The following CDH20 variants were observed in gnomAD, a reference collection of about 807,000 sequenced individuals.
The protein encoded by CDH20 is cadherin 20.
A neutral mutation model predicts 74.2 loss-of-function variants in CDH20; 29 were observed. That is an observed-to-expected ratio of 0.39 (90% CI 0.29 to 0.53). CDH20 has a LOEUF of 0.53. Ranked by LOEUF, CDH20 falls within the 20% of genes least tolerant of loss-of-function variation. The pLI is 0.69. For synonymous variants in CDH20, 469 were observed against 405.4 expected, an observed-to-expected ratio of 1.16 and a Z score of -1.88; for missense variants, 988 against 1,048.3, an observed-to-expected ratio of 0.94 and a Z score of 0.79.
intron 6 of CDH20, among the ~76,000 whole-genome samples, chr18:61,526,822 C>A (rs1023237246): frequency 1.3e-5 from 2 of 152,228 alleles, no homozygotes; most frequent in Non-Finnish European, 2.9e-5. Context: ...CGTCAGCATA[C>A]TCCAGGCTTC....
intron 6 of CDH20, among the ~76,000 whole-genome samples, chr18:61,526,023 C>G (rs1322792294): frequency 4.0e-5 from 5 of 124,132 alleles, no homozygotes. Context: ...GTTGTCTTGG[C>G]TGGTCTTGAA....
chr18:61,445,943 G>A (rs1909185357), intron 1 of CDH20, among the ~76,000 whole-genome samples: 1 of 151,912 alleles, frequency 6.6e-6, no homozygotes, highest in African/African-American at 2.4e-5. Context: ...CTAGGCTGAG[G>A]GTCCCAGGCT....
intron 2 of CDH20, among the ~76,000 whole-genome samples, chr18:61,493,186 C>T (rs939843459): frequency 3.3e-5 from 5 of 152,136 alleles, no homozygotes; most frequent in African/African-American, 1.2e-4. Flanking sequence ...CTCCTTTTAC[C>T]TTCACGTGCA....
At chr18:61,363,227 A>T (rs1374534662) in intron 1 of CDH20, among the ~76,000 whole-genome samples, 1 of 152,198 alleles carries the variant, frequency 6.6e-6, no homozygotes, top group Non-Finnish European at 1.5e-5. Context: ...CTCAGGAGCC[A>T]CTTGGGATTC....
intron 2 of CDH20, 151 bp from the exon 3 acceptor site, chr18:61,499,035 G>T: frequency 1.7e-6 from 1 of 589,592 alleles, no homozygotes. Flanking sequence ...CGTGTCCAAT[G>T]CATACTAGTT....
At chr18:61,481,502 C>A (rs1478237674) in intron 1 of CDH20, among the ~76,000 whole-genome samples, 1 of 152,076 alleles carries the variant, frequency 6.6e-6, no homozygotes, top group Non-Finnish European at 1.5e-5. Context: ...GATTTCTTTT[C>A]CTGAAAGCAT....
intron 1 of CDH20, among the ~76,000 whole-genome samples, chr18:61,481,125 T>C (rs1910574747): frequency 6.6e-6 from 1 of 152,198 alleles, no homozygotes; most frequent in African/African-American, 2.4e-5. Context: ...GTACTGCCCA[T>C]AGATACATGG....
chr18:61,389,112 G>A (rs1412835817), intron 1 of CDH20, among the ~76,000 whole-genome samples: 4 of 152,096 alleles, frequency 2.6e-5, no homozygotes, highest in Admixed American at 6.6e-5. Flanking sequence ...AGGATGGGTG[G>A]GGCTCCCCCT....
At chr18:61,383,314 C>T (rs1331600685) in intron 1 of CDH20, among the ~76,000 whole-genome samples, 4 of 152,158 alleles carry the variant, frequency 2.6e-5, no homozygotes, top group African/African-American at 9.7e-5. Context: ...GGCGTGGTGG[C>T]TCATGCCTGT....
chr18:61,365,698 T>C (rs1215887473), intron 1 of CDH20, among the ~76,000 whole-genome samples: 1 of 152,040 alleles, frequency 6.6e-6, no homozygotes, highest in African/African-American at 2.4e-5. Flanking sequence ...TAAAAACTCC[T>C]GTAGTTCTAG....
chr18:61,487,806 G>A (rs946535960), intron 1 of CDH20, among the ~76,000 whole-genome samples: 3 of 152,056 alleles, frequency 2.0e-5, no homozygotes, highest in Non-Finnish European at 4.4e-5. Context: ...GGGGATAGGG[G>A]GTTTTAATTG....
At chr18:61,407,251 T>A (rs1441144632) in intron 1 of CDH20, among the ~76,000 whole-genome samples, 1 of 152,208 alleles carries the variant, frequency 6.6e-6, no homozygotes, top group South Asian at 2.1e-4. Flanking sequence ...CTATCTTCCT[T>A]GATTCCATTT....
At chr18:61,347,805 A>T (rs116454594) in intron 1 of CDH20, among the ~76,000 whole-genome samples, 1 of 152,180 alleles carries the variant, frequency 6.6e-6, no homozygotes, top group African/African-American at 2.4e-5. Flanking sequence ...GGGAAATGCC[A>T]TATGTAAGTT....
intron 1 of CDH20, among the ~76,000 whole-genome samples, chr18:61,423,996 G>C (rs769816898): frequency 6.6e-6 from 1 of 151,550 alleles, no homozygotes; most frequent in Admixed American, 6.6e-5. Flanking sequence ...CGCTTCCTAC[G>C]CTCATCAAAA....
chr18:61,344,051 T>A (rs534094701), intron 1 of CDH20, among the ~76,000 whole-genome samples: 4 of 152,162 alleles, frequency 2.6e-5, no homozygotes, highest in African/African-American at 9.7e-5. Flanking sequence ...CTGTGGTGCA[T>A]GTGAACTCTT....
chr18:61,509,496 AG>A (rs777474958), intron 6 of CDH20, among the ~76,000 whole-genome samples: 41 of 152,332 alleles, frequency 2.7e-4, no homozygotes, highest in East Asian at 1.5e-3. Flanking sequence ...TTTCAAGAAC[AG>A]CAACAGTGGG....
At chr18:61,552,272 T>G (rs1913463666) in intron 11 of CDH20, among the ~76,000 whole-genome samples, 1 of 152,040 alleles carries the variant, frequency 6.6e-6, no homozygotes, top group South Asian at 2.1e-4. Context: ...AAACCATCCC[T>G]AGAACTAATT....
chr18:61,533,436 T>A (rs1568180163), intron 7 of CDH20, among the ~76,000 whole-genome samples: 2 of 152,240 alleles, frequency 1.3e-5, no homozygotes, highest in Non-Finnish European at 2.9e-5. Flanking sequence ...CATAGTAAAG[T>A]GCCTGATATT....
chr18:61,497,086 A>C (rs1436284002), intron 2 of CDH20, among the ~76,000 whole-genome samples: 7 of 88,432 alleles, frequency 7.9e-5, no homozygotes. Context: ...GAAGATTTGG[A>C]TTGTAAAAAA....
Sources: allele counts gnomAD v4.1 joint callset (sites outside exome capture counted in the v4.1 genomes callset), GRCh38; gene constraint gnomAD v4.1.1; transcripts MANE v1.5; gene names NCBI Gene and HGNC (gene_info 2026-07-23, HGNC 2026-07-21).